RAB3C: variants seen among roughly 807,000 people sequenced by gnomAD.
RAB3C encodes the protein RAB3C, member RAS oncogene family, also known as ras-related protein Rab-3C.
Under a neutral mutation model 26.4 loss-of-function variants are expected in RAB3C, and 17 were observed. The observed-to-expected ratio is 0.64, with a 90% CI of 0.44 to 0.97. RAB3C has a LOEUF of 0.97. Among genes scored for constraint, RAB3C ranks in the 50% least tolerant of loss-of-function variants. The pLI, the probability that RAB3C is intolerant of heterozygous loss-of-function variation, is 0.00. For missense variants in RAB3C, 242 were observed against 281.9 expected (o/e 0.86, Z 1.01); for synonymous variants, 91 against 95.9 (o/e 0.95, Z 0.30).
At chr5:58,632,955 T>G (rs1747215837) in intron 2 of RAB3C, among the ~76,000 whole-genome samples, 1 of 152,220 alleles carries the variant, frequency 6.6e-6, no homozygotes, top group African/African-American at 2.4e-5. Flanking sequence ...TTTTCTATTC[T>G]AGTCTCTGAA....
At chr5:58,676,340 TA>T (rs1748225044) in intron 2 of RAB3C, among the ~76,000 whole-genome samples, 2 of 151,934 alleles carry the variant, frequency 1.3e-5, no homozygotes, top group Admixed American at 6.6e-5. Context: ...CTGTCTCTAC[TA>T]AAAATGCAAA....
At chr5:58,674,070 A>G (rs1400259471) in intron 2 of RAB3C, among the ~76,000 whole-genome samples, 1 of 152,198 alleles carries the variant, frequency 6.6e-6, no homozygotes, top group African/African-American at 2.4e-5. Context: ...TTGGGAGGAT[A>G]CAAGGTGTTG....
At chr5:58,795,083 C>G (rs1235931609) in intron 3 of RAB3C, among the ~76,000 whole-genome samples, 1 of 152,246 alleles carries the variant, frequency 6.6e-6, no homozygotes, top group East Asian at 1.9e-4. Context: ...GGGTTTTTCC[C>G]ATGCTATTCT....
At chr5:58,634,786 C>T (rs1446973537) in intron 2 of RAB3C, among the ~76,000 whole-genome samples, 1 of 152,006 alleles carries the variant, frequency 6.6e-6, no homozygotes, top group Admixed American at 6.6e-5. Context: ...AACTTTGGGC[C>T]CCACAGAACC....
chr5:58,582,316 C>T (rs914591402), upstream of RAB3C: 19 of 809,924 alleles, frequency 2.3e-5, no homozygotes, highest in African/African-American at 3.4e-4. Flanking sequence ...TGTGCCTTTT[C>T]ATTTTAGCCC....
Position 58,853,948 on chromosome 5 carries a change from G to C in RAB3C, c.*2597G>C, listed in dbSNP as rs190444111. 1 of 151,626 alleles carries C rather than the reference G, an allele frequency of 6.6e-6. No homozygotes were observed. Among genetic ancestry groups the C allele is most frequent in the East Asian group, 1.9e-4 (1 of 5,136 alleles). 9.4% of individuals were successfully genotyped at this position (151,626 alleles called of 1,614,324 possible). ...TTGGCAAATGGTGGGACCAACCCAAGGTTAACTAAGTGGGCTTTCATTGGC... is the reference window on the plus strand; with the variant it reads ...TTGGCAAATGGTGGGACCAACCCAACGTTAACTAAGTGGGCTTTCATTGGC... On this transcript the variant is annotated 3_prime_UTR_variant, in exon 5 of 5. Transcript: ENST00000282878.
intron 2 of RAB3C, among the ~76,000 whole-genome samples, chr5:58,633,962 C>G (rs1747237660): frequency 6.8e-6 from 1 of 147,604 alleles, no homozygotes; most frequent in Non-Finnish European, 1.5e-5. Flanking sequence ...GAAACCCCAT[C>G]TCTACTAAAA....
intron 3 of RAB3C, among the ~76,000 whole-genome samples, chr5:58,817,866 G>T (rs1271510878): frequency 6.6e-6 from 1 of 152,176 alleles, no homozygotes; most frequent in African/African-American, 2.4e-5. Flanking sequence ...GCAAAAGCAG[G>T]TTGGGAAGTT....
chr5:58,678,908 G>A (rs1748288738), intron 2 of RAB3C, among the ~76,000 whole-genome samples: 7 of 152,138 alleles, frequency 4.6e-5, no homozygotes, highest in Admixed American at 4.6e-4. Flanking sequence ...ATTTCACCAG[G>A]GAAAGGCTAT....
chr5:58,612,433 G>A (rs933147487), intron 1 of RAB3C, among the ~76,000 whole-genome samples: 2 of 148,928 alleles, frequency 1.3e-5, no homozygotes, highest in East Asian at 2.0e-4. Flanking sequence ...AGTTGTTTTT[G>A]TAGAAATCTT....
At chr5:58,672,346 C>A (rs904333690) in intron 2 of RAB3C, among the ~76,000 whole-genome samples, 3 of 152,150 alleles carry the variant, frequency 2.0e-5, no homozygotes, top group Admixed American at 2.0e-4. Context: ...AGCTCTTCAG[C>A]GGGGTCATGG....
chr5:58,799,946 C>T (rs1742767391), intron 3 of RAB3C, among the ~76,000 whole-genome samples: 1 of 152,198 alleles, frequency 6.6e-6, no homozygotes, highest in Non-Finnish European at 1.5e-5. Context: ...AATCAGTTGA[C>T]TCCCTTTCTT....
At chr5:58,662,991 A>C (rs1013731478) in intron 2 of RAB3C, among the ~76,000 whole-genome samples, 8 of 150,354 alleles carry the variant, frequency 5.3e-5, no homozygotes, top group African/African-American at 2.0e-4. Context: ...CCTCAAGGAG[A>C]ATATAAGCAC....
chr5:58,721,968 C>G (rs1199660512), intron 2 of RAB3C, among the ~76,000 whole-genome samples: 3 of 151,522 alleles, frequency 2.0e-5, no homozygotes, highest in Non-Finnish European at 4.4e-5. Context: ...TTTTCCCTCT[C>G]TCTTTTTTGA....
intron 1 of RAB3C, among the ~76,000 whole-genome samples, chr5:58,612,633 G>C (rs1037680688): frequency 6.7e-6 from 1 of 149,872 alleles, no homozygotes; most frequent in Non-Finnish European, 1.5e-5. Context: ...ACTGTTATTG[G>C]TGTTTAGGAA....
intron 2 of RAB3C, among the ~76,000 whole-genome samples, chr5:58,722,365 C>G (rs1389168623): frequency 6.6e-6 from 1 of 150,722 alleles, no homozygotes; most frequent in East Asian, 2.0e-4. Context: ...GCAGAGAAGG[C>G]AGCAGGCATG....
intron 1 of RAB3C, 34 bp from the exon 2 acceptor site, chr5:58,617,609 A>G (rs1278837488): frequency 1.3e-6 from 2 of 1,488,780 alleles, no homozygotes; most frequent in East Asian, 4.5e-5. Context: ...ATCTACACCT[A>G]TTTTGTTTTT....
intron 2 of RAB3C, among the ~76,000 whole-genome samples, chr5:58,671,275 TC>T (rs1748113468): frequency 6.6e-6 from 1 of 151,270 alleles, no homozygotes; most frequent in Admixed American, 6.6e-5. Flanking sequence ...GCTCTCATTC[TC>T]CCCCCACTTT....
chr5:58,633,221 G>T (rs1216086140), intron 2 of RAB3C, among the ~76,000 whole-genome samples: 1 of 152,142 alleles, frequency 6.6e-6, no homozygotes, highest in Non-Finnish European at 1.5e-5. Context: ...GGCAGAGAGG[G>T]CTCATCCTGG....
Sources: gnomAD v4.1 joint callset for allele counts (sites outside exome capture counted in the v4.1 genomes callset) on GRCh38, gnomAD v4.1.1 for gene constraint, MANE v1.5 for transcripts, NCBI Gene and HGNC (gene_info 2026-07-23, HGNC 2026-07-21) for gene names.